ANO10: variants seen among roughly 807,000 people sequenced by gnomAD.
ANO10 encodes the protein anoctamin-10.
In ANO10, 77 loss-of-function variants were observed where a neutral mutation model predicts 74.7. The ratio of observed to expected loss-of-function variants is 1.03; its 90% CI spans 0.86 to 1.25. The LOEUF is 1.25. Ranked by LOEUF, ANO10 falls within the 50% of genes most tolerant of loss-of-function variation. The pLI is 0.00. For missense variants in ANO10, 721 were observed against 778.1 expected, an observed-to-expected ratio of 0.93 and a Z score of 0.87; for synonymous variants, 279 against 284.9, an observed-to-expected ratio of 0.98 and a Z score of 0.21.
chr3:43,632,744 A>G (rs1289418687), intron 1 of ANO10, among the ~76,000 whole-genome samples: 1 of 152,194 alleles, frequency 6.6e-6, no homozygotes, highest in Non-Finnish European at 1.5e-5. Flanking sequence ...CTGCCATCCT[A>G]AACTCTTCCC....
At chr3:43,655,290 C>T (rs12496703) in intron 1 of ANO10, among the ~76,000 whole-genome samples, 20,375 of 151,858 alleles carry the variant, frequency 0.13, 2,914 homozygotes, top group African/African-American at 0.36. Context: ...GCGTCTGGAG[C>T]TTGTTCCTTC....
chr3:43,504,300 GTAGATAGATAGATAGA>G lies in ANO10; in HGVS notation c.1797+45404_1797+45419del, dbSNP rs550211978. Among the ~76,000 whole-genome samples the G allele has an allele frequency of 1.2e-4, 17 of 139,822 alleles. No individual in the cohort carries two copies. The East Asian group carries it at 1.6e-3, about 13-fold the overall frequency. The allele number at this position is 139,822 out of a possible 152,430, so 91.7% of individuals were successfully genotyped here. A position where few individuals can be genotyped will look rare whatever the true frequency, so the allele number is the denominator to read the frequency against. ...AGTAGATAGGTAGGTAGGTAGGTAGGTAGATAGATAGATAGATAGATAGATAGATAGATAGATAGAT... is the reference window on the plus strand; with the variant it reads ...AGTAGATAGGTAGGTAGGTAGGTAGGTAGATAGATAGATAGATAGATAGAT... On this transcript the variant is annotated intron_variant, in intron 11 of 12. Transcript: ENST00000292246.
intron 5 of ANO10, among the ~76,000 whole-genome samples, chr3:43,579,209 A>G (rs1049350389): frequency 3.9e-5 from 6 of 152,118 alleles, no homozygotes; most frequent in Non-Finnish European, 2.9e-5. Flanking sequence ...AGCACATACC[A>G]AATAAATTAA....
At chr3:43,475,489 C>T (rs1020354529) in intron 11 of ANO10, among the ~76,000 whole-genome samples, 1 of 152,200 alleles carries the variant, frequency 6.6e-6, no homozygotes, top group African/African-American at 2.4e-5. Context: ...GCTTTATCCA[C>T]TCTCCCCAAA....
In ANO10 at chr3:43,552,384, T is replaced by TA. The variant is rs1044078696; in HGVS notation, c.1669-2537dup. Reference sequence around the variant, plus strand: ...AGTGGGAGCCCATGCCTACAAAAAATAAAAAAATAAAAAAAATTTTTTTCT... The same window carrying TA: ...AGTGGGAGCCCATGCCTACAAAAAATAAAAAAAATAAAAAAAATTTTTTTCT... On this transcript the variant is annotated intron_variant, in intron 10 of 12. Coordinates refer to ENST00000292246, the MANE Select transcript of ANO10 (RefSeq NM_018075.5). Among the ~76,000 whole-genome samples the TA allele has an allele frequency of 1.8e-3, 277 of 151,888 alleles. 1 individual carries two copies. The highest frequency in any genetic ancestry group is 6.3e-3 in the African/African-American group (263 of 41,472).
chr3:43,620,247 T>C (rs1170792739), intron 1 of ANO10, among the ~76,000 whole-genome samples: 1 of 152,104 alleles, frequency 6.6e-6, no homozygotes, highest in Admixed American at 6.5e-5. Context: ...TTAAGAAGAA[T>C]TTGATCCACA....
chr3:43,469,663 C>T (rs1007036985), intron 11 of ANO10, among the ~76,000 whole-genome samples: 1 of 152,150 alleles, frequency 6.6e-6, no homozygotes, highest in Non-Finnish European at 1.5e-5. Context: ...TCCAGAACAC[C>T]CCCACTAAGG....
chr3:43,500,383 G>C (rs1457160606), intron 11 of ANO10, among the ~76,000 whole-genome samples: 1 of 152,112 alleles, frequency 6.6e-6, no homozygotes, highest in Non-Finnish European at 1.5e-5. Flanking sequence ...CTTATCAAAA[G>C]GGGTCAATGA....
chr3:43,594,258 G>T (rs1324668959), intron 4 of ANO10, among the ~76,000 whole-genome samples: 1 of 152,130 alleles, frequency 6.6e-6, no homozygotes. Context: ...CCACCAAGCG[G>T]ACCTAATAGA....
At chr3:43,533,377 C>G (rs1241792638) in intron 11 of ANO10, among the ~76,000 whole-genome samples, 1 of 152,132 alleles carries the variant, frequency 6.6e-6, no homozygotes, top group Non-Finnish European at 1.5e-5. Context: ...ATACTTATAT[C>G]ACATGTAAGT....
At chr3:43,399,646 C>A (rs1334213874) in intron 12 of ANO10, among the ~76,000 whole-genome samples, 2 of 152,202 alleles carry the variant, frequency 1.3e-5, no homozygotes, top group African/African-American at 4.8e-5. Flanking sequence ...GCCCTCCCAT[C>A]TGAATGGGGG....
At chr3:43,688,362 A>T (rs185665535) in intron 1 of ANO10, among the ~76,000 whole-genome samples, 49 of 152,306 alleles carry the variant, frequency 3.2e-4, no homozygotes, top group Admixed American at 9.2e-4. Flanking sequence ...ATTGTAGGGC[A>T]TCAGTTTCTG....
At chr3:43,660,399 TA>T (rs1035179626) in intron 1 of ANO10, among the ~76,000 whole-genome samples, 4 of 151,978 alleles carry the variant, frequency 2.6e-5, no homozygotes, top group Non-Finnish European at 5.9e-5. Flanking sequence ...GAGAAGAGCT[TA>T]AATGACCTGA....
chr3:43,373,712 A>G (rs1360246349), intron 12 of ANO10, among the ~76,000 whole-genome samples: 1 of 152,178 alleles, frequency 6.6e-6, no homozygotes, highest in African/African-American at 2.4e-5. Context: ...ACTCATTCTG[A>G]CCGCTTCTGG....
chr3:43,642,010 T>C (rs1452468845), intron 1 of ANO10, among the ~76,000 whole-genome samples: 2 of 152,198 alleles, frequency 1.3e-5, no homozygotes, highest in Non-Finnish European at 2.9e-5. Flanking sequence ...TTGCTAAATA[T>C]TTCAACATGC....
At chr3:43,623,166 G>A (rs2083455989), upstream of ANO10, among the ~76,000 whole-genome samples, 1 of 152,050 alleles carries the variant, frequency 6.6e-6, no homozygotes, top group East Asian at 1.9e-4. Flanking sequence ...GCGCCCTGCC[G>A]GCTTTAAGTG....
intron 11 of ANO10, among the ~76,000 whole-genome samples, chr3:43,464,870 T>C (rs960655061): frequency 6.6e-6 from 1 of 152,174 alleles, no homozygotes; most frequent in Non-Finnish European, 1.5e-5. Flanking sequence ...CTTAAAAAGA[T>C]ACTGAGAAAG....
intron 5 of ANO10, among the ~76,000 whole-genome samples, chr3:43,579,829 C>G (rs903782175): frequency 2.0e-5 from 3 of 152,144 alleles, no homozygotes; most frequent in Non-Finnish European, 4.4e-5. Flanking sequence ...GTAGTAAAAG[C>G]CTGTGATTCC....
intron 1 of ANO10, among the ~76,000 whole-genome samples, chr3:43,616,644 C>G (rs1203510450): frequency 6.6e-6 from 1 of 152,162 alleles, no homozygotes; most frequent in Non-Finnish European, 1.5e-5. Context: ...GCTTTGAACA[C>G]TGCAGTGACA....
Sources: allele counts gnomAD v4.1 joint callset (sites outside exome capture counted in the v4.1 genomes callset), GRCh38; gene constraint gnomAD v4.1.1; transcripts MANE v1.5; gene names NCBI Gene and HGNC (gene_info 2026-07-23, HGNC 2026-07-21).